The following ATRNL1 variants were observed in gnomAD, a reference collection of about 807,000 sequenced individuals.
The protein encoded by ATRNL1 is attractin-like protein 1.
A neutral mutation model predicts 182.7 loss-of-function variants in ATRNL1; 95 were observed. That is an observed-to-expected ratio of 0.52 (90% CI 0.44 to 0.62). ATRNL1 has a LOEUF of 0.62. Ranked by LOEUF, ATRNL1 falls within the 20% of genes least tolerant of loss-of-function variation. The pLI, the probability that ATRNL1 is intolerant of heterozygous loss-of-function variation, is 0.00. For synonymous variants in ATRNL1, 576 were observed against 568.3 expected (o/e 1.01, Z -0.19); for missense variants, 1,471 against 1,679.5 (o/e 0.88, Z 2.17).
At chr10:115,638,676 G>A (rs1185879253) in intron 26 of ATRNL1, among the ~76,000 whole-genome samples, 5 of 152,072 alleles carry the variant, frequency 3.3e-5, no homozygotes, top group African/African-American at 7.2e-5. Flanking sequence ...CTTTGGACAT[G>A]AACATGGCGA....
chr10:115,117,627 C>T (rs1844550354), intron 1 of ATRNL1, among the ~76,000 whole-genome samples: 1 of 152,038 alleles, frequency 6.6e-6, no homozygotes, highest in Admixed American at 6.6e-5. Flanking sequence ...AGGTTGCTTC[C>T]AAATCTTGGC....
At chr10:115,943,141 T>C (rs1953778465) in intron 28 of ATRNL1, among the ~76,000 whole-genome samples, 1 of 152,258 alleles carries the variant, frequency 6.6e-6, no homozygotes, top group African/African-American at 2.4e-5. Context: ...AAATGTCAAG[T>C]GGTCTTTCTT....
At chr10:115,440,498 G>T (rs1846618173) in intron 21 of ATRNL1, among the ~76,000 whole-genome samples, 1 of 151,682 alleles carries the variant, frequency 6.6e-6, no homozygotes, top group Admixed American at 6.6e-5. Flanking sequence ...TGCTCACTAA[G>T]TACCAATGCC....
intron 24 of ATRNL1, among the ~76,000 whole-genome samples, chr10:115,486,393 T>A (rs1426288546): frequency 6.6e-6 from 1 of 152,118 alleles, no homozygotes; most frequent in Non-Finnish European, 1.5e-5. Flanking sequence ...TTTCTCCACA[T>A]CCTCTCCAGC....
intron 27 of ATRNL1, among the ~76,000 whole-genome samples, chr10:115,728,649 A>T (rs1947691583): frequency 6.6e-6 from 1 of 152,182 alleles, no homozygotes; most frequent in Admixed American, 6.5e-5. Context: ...ATAAGACAAA[A>T]TCACAACTCA....
intron 28 of ATRNL1, among the ~76,000 whole-genome samples, chr10:115,890,285 A>T (rs1952048854): frequency 6.6e-6 from 1 of 152,198 alleles, no homozygotes; most frequent in African/African-American, 2.4e-5. Context: ...GCAGAGAATG[A>T]GAAGTTGAAG....
chr10:115,721,974 T>G (rs1593122794), intron 26 of ATRNL1, among the ~76,000 whole-genome samples: 1 of 152,334 alleles, frequency 6.6e-6, no homozygotes, highest in South Asian at 2.1e-4. Context: ...GACAATATTT[T>G]GCTTTTGAAT....
intron 26 of ATRNL1, among the ~76,000 whole-genome samples, chr10:115,550,428 G>T (rs903026385): frequency 6.6e-6 from 1 of 151,760 alleles, no homozygotes; most frequent in Non-Finnish European, 1.5e-5. Flanking sequence ...ATAATCCAGA[G>T]TGTTCTAAGC....
At chr10:115,110,267 C>T (rs1374549302) in intron 1 of ATRNL1, among the ~76,000 whole-genome samples, 1 of 152,134 alleles carries the variant, frequency 6.6e-6, no homozygotes, top group Non-Finnish European at 1.5e-5. Flanking sequence ...ACTCTAATCA[C>T]ATGAGCCCTT....
chr10:115,760,459 T>C (rs1417354889), intron 27 of ATRNL1, among the ~76,000 whole-genome samples: 1 of 152,162 alleles, frequency 6.6e-6, no homozygotes, highest in African/African-American at 2.4e-5. Context: ...ATGGTAAGTC[T>C]AGAAGACTTT....
At chr10:115,474,861 A>G (rs782663319) in intron 24 of ATRNL1, among the ~76,000 whole-genome samples, 12 of 151,426 alleles carry the variant, frequency 7.9e-5, no homozygotes, top group Non-Finnish European at 1.2e-4. Context: ...GTATGGACTG[A>G]CTAACCAAAG....
At chr10:115,240,587 A>G (rs1207733130) in intron 9 of ATRNL1, among the ~76,000 whole-genome samples, 1 of 152,088 alleles carries the variant, frequency 6.6e-6, no homozygotes, top group East Asian at 1.9e-4. Flanking sequence ...ATTAATTGGT[A>G]TTATAATCCA....
At chr10:115,726,825 T>C (rs1555060241) in intron 26 of ATRNL1, among the ~76,000 whole-genome samples, 2 of 151,736 alleles carry the variant, frequency 1.3e-5, no homozygotes, top group Non-Finnish European at 2.9e-5. Context: ...TTTGACAACT[T>C]TTCATTATCT....
chr10:115,129,639 C>A, intron 5 of ATRNL1, 104 bp downstream of exon 5: 1 of 778,042 alleles, frequency 1.3e-6, no homozygotes, highest in Non-Finnish European at 2.0e-6. Context: ...ACACCCAAGC[C>A]TTATATATTT....
chr10:115,692,020 T>C (rs1488702403), intron 26 of ATRNL1, among the ~76,000 whole-genome samples: 3 of 152,162 alleles, frequency 2.0e-5, no homozygotes, highest in Non-Finnish European at 4.4e-5. Context: ...TTGTGTCATA[T>C]CCAAGAAATC....
At chr10:115,318,494 T>C (rs1044837139) in intron 18 of ATRNL1, among the ~76,000 whole-genome samples, 22 of 152,266 alleles carry the variant, frequency 1.4e-4, no homozygotes, top group African/African-American at 5.3e-4. Context: ...TCTGGTAGAA[T>C]TTGGCTGTGA....
chr10:115,830,790 T>C (rs1452202403), intron 27 of ATRNL1, among the ~76,000 whole-genome samples: 1 of 152,000 alleles, frequency 6.6e-6, no homozygotes, highest in East Asian at 1.9e-4. Context: ...TCATTTCCCA[T>C]GGAAAACTAT....
intron 18 of ATRNL1, among the ~76,000 whole-genome samples, chr10:115,324,707 T>C (rs1444310543): frequency 2.6e-5 from 4 of 152,210 alleles, no homozygotes; most frequent in Non-Finnish European, 5.9e-5. Context: ...TGTGTTTTAA[T>C]ACCTTTTTCA....
At chr10:115,671,782 T>C (rs1292991542) in intron 26 of ATRNL1, among the ~76,000 whole-genome samples, 1 of 152,124 alleles carries the variant, frequency 6.6e-6, no homozygotes, top group Non-Finnish European at 1.5e-5. Flanking sequence ...TTGTAAGTAA[T>C]GTACCCTTCT....
Sources: allele counts gnomAD v4.1 joint callset (sites outside exome capture counted in the v4.1 genomes callset), GRCh38; gene constraint gnomAD v4.1.1; transcripts MANE v1.5; gene names NCBI Gene and HGNC (gene_info 2026-07-23, HGNC 2026-07-21).